The following SBNO2 variants were observed in gnomAD, a reference collection of about 807,000 sequenced individuals.
SBNO2 encodes protein strawberry notch homolog 2.
SBNO2 carries 89 observed loss-of-function variants against 146.3 expected under a neutral mutation model. The ratio of observed to expected loss-of-function variants is 0.61; its 90% CI spans 0.51 to 0.73. The LOEUF (loss-of-function observed/expected upper bound fraction) is 0.73, where lower values mean the gene tolerates loss of function less well. Ranked by LOEUF, SBNO2 falls within the 30% of genes least tolerant of loss-of-function variation. The pLI is 0.00. For synonymous variants in SBNO2, 1,147 were observed against 892.6 expected (o/e 1.29, Z -5.08); for missense variants, 2,092 against 2,003.7 (o/e 1.04, Z -0.84).
chr19:1,164,638 G>T (rs1199741451), intron 1 of SBNO2, among the ~76,000 whole-genome samples: 1 of 147,916 alleles, frequency 6.8e-6, no homozygotes, highest in African/African-American at 2.5e-5. Flanking sequence ...AGGAGGAGGA[G>T]GAGGAGGAAC....
At chr19:1,111,959 C>T (rs761694200) in intron 23 of SBNO2, 37 bp downstream of exon 23, 10 of 1,565,856 alleles carry the variant, frequency 6.4e-6, no homozygotes, top group Middle Eastern at 2.3e-4. Context: ...GACCCCTGCC[C>T]CTGCCCCGCC....
In SBNO2 at chr19:1,173,110, C is replaced by T. The variant is rs1390443861; in HGVS notation, c.-127+1062G>A. On this transcript the variant is annotated intron_variant, in intron 1 of 31. Coordinates refer to ENST00000361757, the MANE Select transcript of SBNO2 (RefSeq NM_014963.3). The surrounding 1 kb of genome is among the most constrained non-coding windows in gnomAD (Gnocchi z 4.7). ...CCCTGGAGGCGCTGGGTGGGCTCTC[C>T]ACAACGCCTGCCCCCCACGCCCCAG... Among the ~76,000 whole-genome samples, 1 of 152,124 alleles carries T rather than the reference C, an allele frequency of 6.6e-6. No homozygotes were observed. Among genetic ancestry groups the T allele is most frequent in the African/African-American group, 2.4e-5 (1 of 41,426 alleles).
At chr19:1,137,125 C>T (rs966154400) in intron 4 of SBNO2, among the ~76,000 whole-genome samples, 3 of 143,812 alleles carry the variant, frequency 2.1e-5, no homozygotes, top group Admixed American at 1.4e-4. Context: ...GGCAGTGAGG[C>T]GAGCAGGACC....
chr19:1,109,621 G>T lies in SBNO2; in HGVS notation c.3124-23C>A, dbSNP rs775287082. 58 of 1,566,978 alleles carry T rather than the reference G, an allele frequency of 3.7e-5. 1 individual carries two copies. Among genetic ancestry groups the T allele is most frequent in the South Asian group, 2.8e-4 (24 of 85,772 alleles). Reference sequence around the variant, plus strand: ...GATCTGCCACGGCACGGGGTGGGGGGGTGTGAGTGTGGTGGGGGCGGGGTG... The same window carrying T: ...GATCTGCCACGGCACGGGGTGGGGGTGTGTGAGTGTGGTGGGGGCGGGGTG... On this transcript the variant is annotated intron_variant, in intron 27 of 31. Coordinates refer to ENST00000361757, the MANE Select transcript of SBNO2 (RefSeq NM_014963.3). The surrounding 1 kb of genome is among the most constrained non-coding windows in gnomAD (Gnocchi z 4.2).
chr19:1,140,015 G>A lies in SBNO2; in HGVS notation c.279+7294C>T, dbSNP rs1218502475. Reference sequence around the variant, plus strand: ...GAAAGAAAGAAAATAAAGAAGAAATGCAGGCCGGGCGCGGTGGCTCACGCC... The same window carrying A: ...GAAAGAAAGAAAATAAAGAAGAAATACAGGCCGGGCGCGGTGGCTCACGCC... On this transcript the variant is annotated intron_variant, in intron 4 of 31. Transcript: ENST00000361757. This position sits in a 1 kb window ranked among gnomAD's most constrained non-coding sequence, Gnocchi z 4.4. Among the ~76,000 whole-genome samples, 1 of 148,258 alleles carries A rather than the reference G, an allele frequency of 6.7e-6. No homozygotes were observed. The highest frequency in any genetic ancestry group is 1.5e-5 in the Non-Finnish European group (1 of 66,808).
At chr19:1,152,312 G>A (rs573238249) in intron 2 of SBNO2, among the ~76,000 whole-genome samples, 62 of 152,252 alleles carry the variant, frequency 4.1e-4, no homozygotes, top group African/African-American at 1.3e-3. Context: ...TTTCCCCACC[G>A]TAGAGCCTCT....
chr19:1,156,974 A>ACCCGCCAC (rs2080296038), intron 1 of SBNO2, among the ~76,000 whole-genome samples: 1 of 151,666 alleles, frequency 6.6e-6, no homozygotes, highest in Admixed American at 6.6e-5. Flanking sequence ...ATCCCTCAGG[A>ACCCGCCAC]CCCACAGCCC....
rs750410464 is a variant in SBNO2, at chr19:1,109,641, G to A, written c.3123+42C>T. The A allele has an allele frequency of 3.8e-6, 6 of 1,586,082 alleles. No homozygotes were observed. The highest frequency in any genetic ancestry group is 8.6e-7 in the Non-Finnish European group (1 of 1,164,802). ...GGGGGGGTGTGAGTGTGGTGGGGGC[G>A]GGGTGGGCAGAGTGTGAGGGGCTGT... On this transcript the variant is annotated intron_variant, in intron 27 of 31. Transcript: ENST00000361757. This position sits in a 1 kb window ranked among gnomAD's most constrained non-coding sequence, Gnocchi z 4.2.
chr19:1,152,525 C>T (rs981548866), intron 2 of SBNO2, among the ~76,000 whole-genome samples: 3 of 151,976 alleles, frequency 2.0e-5, no homozygotes, highest in Admixed American at 2.0e-4. Context: ...GACCGACGGC[C>T]GGTACTCGAG....
In SBNO2 at chr19:1,108,906, G is replaced by A. The variant is rs1427857184; in HGVS notation, c.3489C>T (p.His1163=). ...GCAGCGCGCCGCACAGCATGTAGTG[G>A]TGCCGCAGCCGCAGCCCCTGCAGGC... The part of the protein sequence containing the change: ...KDCLQGLRLR[H]HYMLCGALLR... Residue 1163 remains histidine (H), a synonymous_variant, in exon 31 of 32, where the codon CAC becomes CAT. Coordinates refer to ENST00000361757, the MANE Select transcript of SBNO2 (RefSeq NM_014963.3). The A allele has an allele frequency of 6.3e-7, 1 of 1,581,712 alleles. No individual in the cohort carries two copies. The highest frequency in any genetic ancestry group is 1.3e-5 in the African/African-American group (1 of 74,336).
chr19:1,112,315 T>C lies in SBNO2; in HGVS notation c.2516-14A>G, dbSNP rs780229338. The stretch of plus-strand genomic sequence containing the variant: ...GGTGGGTGCGGCCTGGGGGCAGAGC[T>C]GCTCTCAGGGCCCGGCCAGGCGGGG... On this transcript the variant is annotated splice_polypyrimidine_tract_variant and intron_variant, in intron 21 of 31. Transcript: ENST00000361757. This position sits in a 1 kb window ranked among gnomAD's most constrained non-coding sequence, Gnocchi z 5.9. 64 of 1,577,468 alleles carry C rather than the reference T, an allele frequency of 4.1e-5. No individual in the cohort carries two copies. Among genetic ancestry groups the C allele is most frequent in the Non-Finnish European group, 4.9e-5 (57 of 1,163,228 alleles).
At chr19:1,153,683 G>A (rs756621974) in intron 2 of SBNO2, among the ~76,000 whole-genome samples, 5 of 151,378 alleles carry the variant, frequency 3.3e-5, no homozygotes, top group Admixed American at 2.6e-4. Flanking sequence ...GATTACAGGC[G>A]TCCGCCACCA....
intron 4 of SBNO2, among the ~76,000 whole-genome samples, chr19:1,146,573 G>A (rs1463393676): frequency 2.6e-5 from 4 of 151,924 alleles, no homozygotes; most frequent in Admixed American, 1.3e-4. Flanking sequence ...GATGTGGTCC[G>A]GCCCAGCAGC....
intron 1 of SBNO2, among the ~76,000 whole-genome samples, chr19:1,170,137 G>A (rs759215043): frequency 4.6e-5 from 7 of 152,330 alleles, no homozygotes; most frequent in Non-Finnish European, 8.8e-5. Flanking sequence ...GCGCACAGAC[G>A]ACAGATCTAA....
chr19:1,112,262 T>G lies in SBNO2; in HGVS notation c.2555A>C (p.Tyr852Ser), dbSNP rs1170717315. The G allele has an allele frequency of 6.3e-7, 1 of 1,592,422 alleles. No individual in the cohort carries two copies. Among genetic ancestry groups the G allele is most frequent in the Admixed American group, 1.8e-5 (1 of 57,104 alleles). The change falls in exon 22 of 32, where the codon TAT becomes TCT. Residue 852 changes from tyrosine to serine, a missense_variant. Coordinates refer to ENST00000361757, the MANE Select transcript of SBNO2 (RefSeq NM_014963.3). The surrounding 1 kb of genome is among the most constrained non-coding windows in gnomAD (Gnocchi z 5.9). ...HRSNQVSAPE[Y>S]VFLISELAGE... ...GGCCAGCTCCGAGATGAGGAAGACA[T>G]ACTCTGGCGCGGAGACCTGGTTGGA...
rs1340447459 is a variant in SBNO2, at chr19:1,154,228, G to A, written c.49C>T (p.Pro17Ser). ...TACAGGAGGCTGCCCGCCGGCGGGGGTTCATGCTGCGGGTAATCCCTGTCC... is the reference window on the plus strand; with the variant it reads ...TACAGGAGGCTGCCCGCCGGCGGGGATTCATGCTGCGGGTAATCCCTGTCC... ...AMDRDYPQHE[P>S]PPAGSLLYSP... is the part of the protein sequence containing the mutation. Residue 17 changes from proline (P) to serine (S), a missense_variant, in exon 2 of 32, where the codon CCC becomes TCC. Pro to Ser is a moderately conservative substitution (Grantham distance 74). Transcript: ENST00000361757. 2.4e-6 allele frequency: 3 copies of A among 1,266,744 alleles called. No homozygotes were observed. Among genetic ancestry groups the A allele is most frequent in the Non-Finnish European group, 3.0e-6 (3 of 1,005,530 alleles). The allele number at this position is 1,266,744 out of a possible 1,614,324, so 78.5% of individuals were successfully genotyped here.
At chr19:1,165,403 C>G (rs532128124) in intron 1 of SBNO2, among the ~76,000 whole-genome samples, 13 of 152,264 alleles carry the variant, frequency 8.5e-5, no homozygotes, top group African/African-American at 3.1e-4. Context: ...CCGGGCACCC[C>G]CAAGGCAGCA....
rs373869166 is a variant in SBNO2 at position 1,161,697 on chromosome 19, C to G, written c.-126-7295G>C. Among the ~76,000 whole-genome samples, 433 of 152,028 alleles carry G rather than the reference C, an allele frequency of 2.8e-3. 2 individuals are homozygous for G. The highest frequency in any genetic ancestry group is 0.01 in the African/African-American group (419 of 41,426). On this transcript the variant is annotated intron_variant, in intron 1 of 31. Coordinates refer to ENST00000361757, the MANE Select transcript of SBNO2 (RefSeq NM_014963.3). The stretch of plus-strand genomic sequence containing the variant: ...GGCCACGTCATACTACGCTTTCTAC[C>G]TCTCCTCTTGAAATTTTCTAAAAGT...
intron 14 of SBNO2, among the ~76,000 whole-genome samples, chr19:1,118,421 G>A (rs1439601583): frequency 6.6e-6 from 1 of 152,184 alleles, no homozygotes; most frequent in East Asian, 1.9e-4. Flanking sequence ...CAAACATGGA[G>A]GGAACGACCA....
Sources: allele counts gnomAD v4.1 joint callset (sites outside exome capture counted in the v4.1 genomes callset), GRCh38; gene constraint gnomAD v4.1.1; non-coding constraint Gnocchi (gnomAD v3.1); transcripts MANE v1.5; gene names NCBI Gene and HGNC (gene_info 2026-07-23, HGNC 2026-07-21).